LSAMP: variants seen among roughly 807,000 people sequenced by gnomAD.
LSAMP encodes the protein limbic system-associated membrane protein.
A neutral mutation model predicts 38.6 loss-of-function variants in LSAMP; 7 were observed. The observed-to-expected ratio is 0.18, with a 90% CI of 0.10 to 0.34. The LOEUF is 0.34. LSAMP is among the 10% of genes least tolerant of loss of function. LSAMP has a pLI of 1.00. For synonymous variants in LSAMP, 154 were observed against 166.8 expected (o/e 0.92, Z 0.59); for missense variants, 313 against 420.0 (o/e 0.75, Z 2.23).
At chr3:116,272,958 G>T (rs1201065103) in intron 1 of LSAMP, among the ~76,000 whole-genome samples, 1 of 152,050 alleles carries the variant, frequency 6.6e-6, no homozygotes, top group East Asian at 1.9e-4. Context: ...TATTTCTGGG[G>T]TTTATGACAT....
chr3:115,931,677 T>C (rs1453491593), intron 3 of LSAMP, among the ~76,000 whole-genome samples: 1 of 152,200 alleles, frequency 6.6e-6, no homozygotes, highest in Non-Finnish European at 1.5e-5. Context: ...GAATATCTAA[T>C]ATGTATAGCT....
intron 3 of LSAMP, among the ~76,000 whole-genome samples, chr3:115,878,206 A>G (rs1458467743): frequency 6.6e-6 from 1 of 152,092 alleles, no homozygotes; most frequent in African/African-American, 2.4e-5. Context: ...ATGTCCTCCC[A>G]GAACAGTAAT....
At chr3:116,163,055 TGAA>T (rs113064111) in intron 1 of LSAMP, among the ~76,000 whole-genome samples, 1 of 151,918 alleles carries the variant, frequency 6.6e-6, no homozygotes, top group Non-Finnish European at 1.5e-5. Flanking sequence ...ATTTTAAAAA[TGAA>T]GAAGATCTTT....
intron 6 of LSAMP, among the ~76,000 whole-genome samples, chr3:115,824,662 G>A (rs369064221): frequency 1.1e-4 from 17 of 149,690 alleles, no homozygotes; most frequent in South Asian, 1.1e-3. Context: ...AGATTGCACC[G>A]TTGAGTCATT....
At chr3:115,980,780 T>A (rs577331590) in intron 3 of LSAMP, among the ~76,000 whole-genome samples, 1 of 152,306 alleles carries the variant, frequency 6.6e-6, no homozygotes, top group Admixed American at 6.5e-5. Flanking sequence ...CCCTTTTATC[T>A]CCTAATCTAG....
chr3:116,423,686 T>C (rs565692578), intron 1 of LSAMP, among the ~76,000 whole-genome samples: 1 of 152,250 alleles, frequency 6.6e-6, no homozygotes, highest in East Asian at 1.9e-4. Context: ...GCAGAGAAGC[T>C]GCAACCTCAA....
chr3:115,916,906 T>C (rs1402931563), intron 3 of LSAMP, among the ~76,000 whole-genome samples: 1 of 152,182 alleles, frequency 6.6e-6, no homozygotes, highest in African/African-American at 2.4e-5. Flanking sequence ...TAGAAAGTAG[T>C]AGGTTGGAAA....
chr3:116,343,492 A>G (rs772003113), intron 1 of LSAMP, among the ~76,000 whole-genome samples: 3 of 152,126 alleles, frequency 2.0e-5, no homozygotes, highest in Non-Finnish European at 4.4e-5. Context: ...ATTTCCTAAT[A>G]CAAGTGCTTT....
At chr3:116,297,118 T>TGTG (rs1418937099) in intron 1 of LSAMP, among the ~76,000 whole-genome samples, 1 of 152,190 alleles carries the variant, frequency 6.6e-6, no homozygotes, top group Non-Finnish European at 1.5e-5. Flanking sequence ...AACAAAATGT[T>TGTG]GTGACTAGGT....
rs564870253 is a variant in LSAMP, at chr3:116,088,120, C to T, written c.156-1564G>A. Among the ~76,000 whole-genome samples the T allele has an allele frequency of 4.2e-4, 64 of 152,126 alleles. 1 individual carries two copies. In the South Asian group the frequency reaches 0.012, roughly 28 times the overall value. On this transcript the variant is annotated intron_variant, in intron 1 of 6. Transcript: ENST00000490035. Reference sequence around the variant, plus strand: ...GTTGTCCAGGCTAGCCTCAAGTGATCTTCCCAACTTGGCCTCCCTAAGCAC... The same window carrying T: ...GTTGTCCAGGCTAGCCTCAAGTGATTTTCCCAACTTGGCCTCCCTAAGCAC...
chr3:116,275,231 A>C (rs1169621587), intron 1 of LSAMP, among the ~76,000 whole-genome samples: 1 of 151,838 alleles, frequency 6.6e-6, no homozygotes, highest in Non-Finnish European at 1.5e-5. Context: ...TAAAAAAAAA[A>C]TTGATAGAGA....
intron 6 of LSAMP, among the ~76,000 whole-genome samples, chr3:115,826,175 C>T (rs575641215): frequency 1.3e-5 from 2 of 151,876 alleles, no homozygotes; most frequent in South Asian, 2.1e-4. Flanking sequence ...AGTGCAGTGG[C>T]GCAATCTTGG....
At chr3:115,939,552 C>CTTTA in intron 3 of LSAMP, among the ~76,000 whole-genome samples, 1 of 93,042 alleles carries the variant, frequency 1.1e-5, no homozygotes, top group Non-Finnish European at 2.4e-5. Flanking sequence ...TTCTTTCTTT[C>CTTTA]TTTCTTTCTT....
chr3:116,396,201 TAA>T (rs1044952532), intron 1 of LSAMP, among the ~76,000 whole-genome samples: 1 of 152,198 alleles, frequency 6.6e-6, no homozygotes, highest in Non-Finnish European at 1.5e-5. Flanking sequence ...AAAAAATCTC[TAA>T]GAGAGTGATT....
chr3:115,934,033 A>C (rs1937625299), intron 3 of LSAMP, among the ~76,000 whole-genome samples: 1 of 152,214 alleles, frequency 6.6e-6, no homozygotes, highest in South Asian at 2.1e-4. Context: ...AGTTTTTGCT[A>C]TGGAAAACAT....
chr3:116,218,760 A>G (rs62269252), intron 1 of LSAMP, among the ~76,000 whole-genome samples: 5,973 of 152,132 alleles, frequency 0.039, 160 homozygotes, highest in Middle Eastern at 0.096. Flanking sequence ...TGATCCTTCC[A>G]CCTCAGTCTC....
intron 1 of LSAMP, among the ~76,000 whole-genome samples, chr3:116,203,970 C>T (rs903808292): frequency 9.2e-5 from 14 of 152,218 alleles, no homozygotes; most frequent in East Asian, 3.9e-4. Flanking sequence ...CCTGAGGAAT[C>T]GCCACGCTGA....
At chr3:116,441,290 A>C (rs933715339) in intron 1 of LSAMP, among the ~76,000 whole-genome samples, 21 of 152,200 alleles carry the variant, frequency 1.4e-4, no homozygotes, top group Non-Finnish European at 2.8e-4. Context: ...AGAATATTTA[A>C]AATCACAAGT....
intron 1 of LSAMP, among the ~76,000 whole-genome samples, chr3:116,435,587 A>G (rs1199732431): frequency 1.3e-5 from 2 of 152,096 alleles, no homozygotes; most frequent in Admixed American, 6.5e-5. Context: ...GACACCTGCA[A>G]AAGGGCTTTT....
Sources: gnomAD v4.1 joint callset for allele counts (sites outside exome capture counted in the v4.1 genomes callset) on GRCh38, gnomAD v4.1.1 for gene constraint, MANE v1.5 for transcripts, NCBI Gene and HGNC (gene_info 2026-07-23, HGNC 2026-07-21) for gene names.